Variants in KAZN observed in about 807,000 individuals in gnomAD.
The protein encoded by KAZN is kazrin, periplakin interacting protein.
Under a neutral mutation model 87.4 loss-of-function variants are expected in KAZN, and 40 were observed. That is an observed-to-expected ratio of 0.46 (90% CI 0.36 to 0.60). KAZN has a LOEUF of 0.60. KAZN is among the 20% of genes least tolerant of loss of function. The pLI is 0.00. For synonymous variants in KAZN, 466 were observed against 458.3 expected, an observed-to-expected ratio of 1.02 and a Z score of -0.22; for missense variants, 898 against 1,073.9, an observed-to-expected ratio of 0.84 and a Z score of 2.29.
chr1:14,446,027 CAA>C (rs34266613), intron 2 of KAZN, among the ~76,000 whole-genome samples: 1 of 137,140 alleles, frequency 7.3e-6, no homozygotes. Flanking sequence ...CCCATCTCTA[CAA>C]AAAAAAAAAA....
chr1:13,947,991 G>T (rs1641209079), intron 1 of KAZN, among the ~76,000 whole-genome samples: 1 of 152,234 alleles, frequency 6.6e-6, no homozygotes, highest in East Asian at 1.9e-4. Context: ...ATGAATTTTG[G>T]GGGGATACAG....
chr1:15,085,880 A>G (rs1388318602), intron 8 of KAZN, among the ~76,000 whole-genome samples: 1 of 152,230 alleles, frequency 6.6e-6, no homozygotes, highest in Non-Finnish European at 1.5e-5. Context: ...AGGAGTCCAG[A>G]GATACAGGAA....
intron 1 of KAZN, among the ~76,000 whole-genome samples, chr1:14,888,925 A>G (rs1003587706): frequency 6.6e-6 from 1 of 152,214 alleles, no homozygotes; most frequent in African/African-American, 2.4e-5. Flanking sequence ...GAGGTGTCCA[A>G]TCTTTTGGCT....
chr1:14,547,713 G>A (rs773370015), intron 2 of KAZN, among the ~76,000 whole-genome samples: 51 of 152,040 alleles, frequency 3.4e-4, no homozygotes, highest in Non-Finnish European at 4.4e-4. Context: ...CTCCCAAGTA[G>A]CTGGAACTAC....
At chr1:14,048,697 G>A (rs1040750451) in intron 1 of KAZN, among the ~76,000 whole-genome samples, 12 of 152,246 alleles carry the variant, frequency 7.9e-5, no homozygotes, top group East Asian at 1.9e-4. Flanking sequence ...GAGCCACTGC[G>A]CCTGGCCTAA....
intron 1 of KAZN, among the ~76,000 whole-genome samples, chr1:14,803,032 G>A (rs1646090225): frequency 6.6e-6 from 1 of 152,184 alleles, no homozygotes; most frequent in African/African-American, 2.4e-5. Context: ...TGTTCATGAA[G>A]ACAGAGTTAC....
At chr1:15,017,664 C>T (rs1386449712) in intron 2 of KAZN, among the ~76,000 whole-genome samples, 1 of 152,126 alleles carries the variant, frequency 6.6e-6, no homozygotes, top group Non-Finnish European at 1.5e-5. Context: ...AGTAGCCGGG[C>T]ATGGTGGTGG....
At chr1:14,722,150 CAA>C (rs757534235) in intron 1 of KAZN, among the ~76,000 whole-genome samples, 1 of 101,924 alleles carries the variant, frequency 9.8e-6, no homozygotes, top group Non-Finnish European at 2.3e-5. Context: ...GACTCTGTCT[CAA>C]AAAAAAAAAA....
chr1:14,466,587 C>T (rs973508315), intron 2 of KAZN, among the ~76,000 whole-genome samples: 6 of 151,344 alleles, frequency 4.0e-5, no homozygotes, highest in Non-Finnish European at 8.8e-5. Context: ...TGCAGCAAAC[C>T]ACCATTGCAT....
chr1:14,756,359 A>G (rs1310485249), intron 1 of KAZN, among the ~76,000 whole-genome samples: 1 of 152,174 alleles, frequency 6.6e-6, no homozygotes, highest in African/African-American at 2.4e-5. Context: ...GAGGTCTGGA[A>G]AGCCAGCTCT....
intron 2 of KAZN, among the ~76,000 whole-genome samples, chr1:14,398,118 A>G (rs1010119529): frequency 3.3e-5 from 5 of 152,224 alleles, no homozygotes; most frequent in Non-Finnish European, 7.3e-5. Flanking sequence ...CCTGTGTTAC[A>G]GTAATATATA....
At chr1:14,168,941 G>T (rs148033235) in intron 1 of KAZN, among the ~76,000 whole-genome samples, 7 of 152,324 alleles carry the variant, frequency 4.6e-5, no homozygotes, top group Admixed American at 2.0e-4. Flanking sequence ...AGTAGTGGGG[G>T]TGTTGATGTT....
chr1:14,479,761 C>T (rs759214991), intron 2 of KAZN, among the ~76,000 whole-genome samples: 9 of 152,142 alleles, frequency 5.9e-5, no homozygotes, highest in East Asian at 3.9e-4. Flanking sequence ...GTTTTCCAAA[C>T]GCCCAGGGAG....
In KAZN at chr1:14,856,123, A is replaced by T. The variant is rs1175036707; in HGVS notation, c.227-104561A>T. Among the ~76,000 whole-genome samples the T allele has an allele frequency of 6.6e-6, 1 of 152,138 alleles. No individual in the cohort carries two copies. The highest frequency in any genetic ancestry group is 1.5e-5 in the Non-Finnish European group (1 of 68,032). Reference sequence around the variant, plus strand: ...GTTTAAGTTACGTAGTAGTTATTGCAAGGGTCTGTGCTATAAAATCAGACT... The same window carrying T: ...GTTTAAGTTACGTAGTAGTTATTGCTAGGGTCTGTGCTATAAAATCAGACT... On this transcript the variant is annotated intron_variant, in intron 1 of 14. Transcript: ENST00000376030. This position sits in a 1 kb window ranked among gnomAD's most constrained non-coding sequence, Gnocchi z 5.2.
chr1:13,895,801 C>T (rs1008218762), intron 1 of KAZN, among the ~76,000 whole-genome samples: 10 of 152,092 alleles, frequency 6.6e-5, no homozygotes, highest in Admixed American at 1.3e-4. Flanking sequence ...GTACTGTGCA[C>T]GGTGCCAGGA....
In KAZN at chr1:14,716,087, G is replaced by C. The variant is rs144875814; in HGVS notation, c.226+116864G>C. Among the ~76,000 whole-genome samples the C allele has an allele frequency of 3.0e-3, 457 of 152,290 alleles. 3 individuals carry two copies. Among genetic ancestry groups the C allele is most frequent in the African/African-American group, 0.011 (452 of 41,558 alleles). On this transcript the variant is annotated intron_variant, in intron 1 of 14. Transcript: ENST00000376030. The stretch of plus-strand genomic sequence containing the variant: ...AGCAAACTCTCAGGTTCATTCAAGT[G>C]GGGCACTGCCTTCCAAATGCCAATA...
At chr1:14,125,916 T>C (rs1431434731) in intron 1 of KAZN, among the ~76,000 whole-genome samples, 1 of 129,060 alleles carries the variant, frequency 7.7e-6, no homozygotes, top group Non-Finnish European at 1.6e-5. Flanking sequence ...GGAAGGCAGG[T>C]GTAACTGCAG....
At position 14,902,430 on chromosome 1, in the gene KAZN, G is replaced by A. The variant is rs191213239; in HGVS notation, c.227-58254G>A. Among the ~76,000 whole-genome samples, 1,304 of 152,030 alleles carry A rather than the reference G, an allele frequency of 8.6e-3. 19 individuals are homozygous for A. Among genetic ancestry groups the A allele is most frequent in the African/African-American group, 0.029 (1,205 of 41,464 alleles). On this transcript the variant is annotated intron_variant, in intron 1 of 14. Coordinates refer to ENST00000376030, the MANE Select transcript of KAZN (RefSeq NM_201628.3). ...TTTTTAGTAGAGACGGGGTTTCACC[G>A]TGTTAGCCAGGATGGTCTTGATCTC...
Position 15,090,512 on chromosome 1 carries a change from C to T in KAZN, c.1223-3668C>T, listed in dbSNP as rs923015486. Among the ~76,000 whole-genome samples the T allele has an allele frequency of 1.4e-4, 21 of 152,352 alleles. 1 individual carries two copies. The highest frequency in any genetic ancestry group is 4.8e-4 in the African/African-American group (20 of 41,578). ...CACCAGCACTGGCTGCCGGCCTGCA[C>T]CCCGGCCTGACAGCCCTGTCACCTG... On this transcript the variant is annotated intron_variant, in intron 8 of 14. Transcript: ENST00000376030.
Sources: gnomAD v4.1 joint callset for allele counts (sites outside exome capture counted in the v4.1 genomes callset) on GRCh38, gnomAD v4.1.1 for gene constraint, Gnocchi (gnomAD v3.1) non-coding constraint, MANE v1.5 for transcripts, NCBI Gene and HGNC (gene_info 2026-07-23, HGNC 2026-07-21) for gene names.